The following MMP16 variants were observed in gnomAD, a reference collection of about 807,000 sequenced individuals.
MMP16 encodes the protein matrix metallopeptidase 16, also known as matrix metalloproteinase-16.
In MMP16, 12 loss-of-function variants were observed where a neutral mutation model predicts 67.8. That is an observed-to-expected ratio of 0.18 (90% CI 0.11 to 0.29). The LOEUF (loss-of-function observed/expected upper bound fraction) is 0.29. Ranked by LOEUF, MMP16 falls within the 10% of genes least tolerant of loss-of-function variation. The pLI is 1.00. For synonymous variants in MMP16, 249 were observed against 255.9 expected, an observed-to-expected ratio of 0.97 and a Z score of 0.26; for missense variants, 475 against 765.7, an observed-to-expected ratio of 0.62 and a Z score of 4.48.
At chr8:88,286,389 C>T (rs1226871217) in intron 1 of MMP16, among the ~76,000 whole-genome samples, 3 of 152,070 alleles carry the variant, frequency 2.0e-5, no homozygotes, top group Non-Finnish European at 4.4e-5. Flanking sequence ...ATGTGACAGT[C>T]CAACCAAAAC....
intron 3 of MMP16, among the ~76,000 whole-genome samples, chr8:88,180,147 G>A (rs763742981): frequency 2.6e-5 from 4 of 152,060 alleles, no homozygotes; most frequent in Non-Finnish European, 5.9e-5. Flanking sequence ...CTGGCATGGT[G>A]GCACACGCCT....
At chr8:88,232,126 A>G (rs1809869226) in intron 1 of MMP16, among the ~76,000 whole-genome samples, 1 of 152,142 alleles carries the variant, frequency 6.6e-6, no homozygotes, top group South Asian at 2.1e-4. Context: ...AAGTTCACAT[A>G]TGGGCAAGTA....
chr8:88,146,857 T>C (rs1808301509), intron 4 of MMP16, among the ~76,000 whole-genome samples: 2 of 151,956 alleles, frequency 1.3e-5, no homozygotes, highest in South Asian at 2.1e-4. Context: ...TGCCAAACTT[T>C]TCCCCAACTG....
intron 1 of MMP16, among the ~76,000 whole-genome samples, chr8:88,208,950 C>T (rs763789164): frequency 2.6e-5 from 4 of 151,714 alleles, no homozygotes; most frequent in Admixed American, 6.6e-5. Flanking sequence ...GACTTAATAG[C>T]GATGAGTGCA....
chr8:88,053,668 G>A (rs1808297205), intron 8 of MMP16, among the ~76,000 whole-genome samples: 1 of 152,100 alleles, frequency 6.6e-6, no homozygotes, highest in African/African-American at 2.4e-5. Context: ...TTCAGATAGA[G>A]AGTTTAATGT....
intron 1 of MMP16, among the ~76,000 whole-genome samples, chr8:88,259,170 G>A (rs545081964): frequency 1.3e-5 from 2 of 152,222 alleles, no homozygotes; most frequent in South Asian, 4.1e-4. Context: ...GATTTTTGGA[G>A]AGCAATAGCT....
At chr8:88,118,148 C>T (rs1809467739) in intron 5 of MMP16, among the ~76,000 whole-genome samples, 1 of 152,014 alleles carries the variant, frequency 6.6e-6, no homozygotes, top group Admixed American at 6.6e-5. Flanking sequence ...GTTAATTTCA[C>T]TCCCTTGTTT....
intron 1 of MMP16, among the ~76,000 whole-genome samples, chr8:88,304,614 C>A (rs550587649): frequency 6.6e-6 from 1 of 152,186 alleles, no homozygotes; most frequent in Non-Finnish European, 1.5e-5. Flanking sequence ...GGAAACCCTA[C>A]AAGGCAGAAG....
intron 1 of MMP16, among the ~76,000 whole-genome samples, chr8:88,219,056 G>A (rs1809638016): frequency 6.6e-6 from 1 of 151,862 alleles, no homozygotes; most frequent in Non-Finnish European, 1.5e-5. Flanking sequence ...TCATGCTGGT[G>A]AGGTAAGAAA....
chr8:88,133,032 G>A (rs1240518934), intron 4 of MMP16, among the ~76,000 whole-genome samples: 1 of 151,762 alleles, frequency 6.6e-6, no homozygotes, highest in African/African-American at 2.4e-5. Flanking sequence ...TCAAACCTAG[G>A]TCTACTGTAT....
At chr8:88,151,351 T>A in intron 4 of MMP16, among the ~76,000 whole-genome samples, 1 of 149,886 alleles carries the variant, frequency 6.7e-6, no homozygotes, top group South Asian at 2.1e-4. Flanking sequence ...CTCAGCTCTG[T>A]ACCAAGCGGA....
intron 8 of MMP16, among the ~76,000 whole-genome samples, chr8:88,047,278 G>A (rs577987824): frequency 6.6e-6 from 1 of 152,112 alleles, no homozygotes; most frequent in South Asian, 2.1e-4. Flanking sequence ...TATGTTCCTG[G>A]CGTTATTATA....
Position 88,038,207 on chromosome 8 carries a change from A to G in MMP16, c.*3254T>C, listed in dbSNP as rs1374854633. The G allele has an allele frequency of 6.6e-6, 1 of 152,046 alleles. No individual in the cohort carries two copies. Among genetic ancestry groups the G allele is most frequent in the Non-Finnish European group, 1.5e-5 (1 of 67,938 alleles). The allele number at this position is 152,046 out of a possible 1,614,324, so 9.4% of individuals were successfully genotyped here. Reference sequence around the variant, plus strand: ...AACAAATGGAATCCCACTGTTTGTGATTACATTGTCCTTATTGTCTTCTTA... The same window carrying G: ...AACAAATGGAATCCCACTGTTTGTGGTTACATTGTCCTTATTGTCTTCTTA... On this transcript the variant is annotated 3_prime_UTR_variant, in exon 10 of 10. Transcript: ENST00000286614. The surrounding 1 kb of genome is among the most constrained non-coding windows in gnomAD (Gnocchi z 4.1).
At chr8:88,296,842 C>CT (rs1410307443) in intron 1 of MMP16, among the ~76,000 whole-genome samples, 1 of 133,912 alleles carries the variant, frequency 7.5e-6, no homozygotes, top group Non-Finnish European at 1.6e-5. Context: ...CAGACACTGC[C>CT]TAAAAAAAAA....
At chr8:88,182,463 T>C (rs1223949110) in intron 3 of MMP16, among the ~76,000 whole-genome samples, 3 of 152,156 alleles carry the variant, frequency 2.0e-5, no homozygotes, top group African/African-American at 7.2e-5. Context: ...ACATAATTGA[T>C]TTACAATAAT....
chr8:88,279,038 A>G lies in MMP16; in HGVS notation c.132+48037T>C, dbSNP rs1385568045. Among the ~76,000 whole-genome samples, 3 of 152,100 alleles carry G rather than the reference A, an allele frequency of 2.0e-5. No individual in the cohort carries two copies. In the East Asian group the frequency reaches 5.8e-4, roughly 29 times the overall value. On this transcript the variant is annotated intron_variant, in intron 1 of 9. Coordinates refer to ENST00000286614, the MANE Select transcript of MMP16 (RefSeq NM_005941.5). Reference sequence around the variant, plus strand: ...AGAGATCGAGACCATCCTGGCCAACATGATGAAACCCCATCTCTACTAAAA... The same window carrying G: ...AGAGATCGAGACCATCCTGGCCAACGTGATGAAACCCCATCTCTACTAAAA...
chr8:88,097,344 G>A (rs1299278059), intron 6 of MMP16, among the ~76,000 whole-genome samples: 1 of 151,936 alleles, frequency 6.6e-6, no homozygotes, highest in South Asian at 2.1e-4. Context: ...TGGAGGCTAG[G>A]TGCAGTGGCT....
intron 4 of MMP16, among the ~76,000 whole-genome samples, chr8:88,150,751 C>A (rs1228251018): frequency 5.3e-5 from 8 of 150,642 alleles, no homozygotes; most frequent in Non-Finnish European, 8.8e-5. Flanking sequence ...CCAGCCGCTG[C>A]AAAATCATGC....
At chr8:88,128,083 C>T (rs1422919776) in intron 4 of MMP16, among the ~76,000 whole-genome samples, 1 of 151,872 alleles carries the variant, frequency 6.6e-6, no homozygotes, top group East Asian at 1.9e-4. Flanking sequence ...CAGCTGCAAG[C>T]TCAAGGTCAG....
Sources: allele counts gnomAD v4.1 joint callset (sites outside exome capture counted in the v4.1 genomes callset), GRCh38; gene constraint gnomAD v4.1.1; non-coding constraint Gnocchi (gnomAD v3.1); transcripts MANE v1.5; gene names NCBI Gene and HGNC (gene_info 2026-07-23, HGNC 2026-07-21).